The following DOCK3 variants were observed in gnomAD, a reference collection of about 807,000 sequenced individuals.
DOCK3 encodes dedicator of cytokinesis protein 3.
In DOCK3, 60 loss-of-function variants were observed where a neutral mutation model predicts 265.6. The observed-to-expected ratio is 0.23, with a 90% CI of 0.18 to 0.28. The LOEUF (loss-of-function observed/expected upper bound fraction) is 0.28, where lower values mean the gene tolerates loss of function less well. DOCK3 is among the 10% of genes least tolerant of loss of function. The pLI is 1.00. For synonymous variants in DOCK3, 881 were observed against 938.0 expected (o/e 0.94, Z 1.11); for missense variants, 1,981 against 2,594.3 (o/e 0.76, Z 5.14).
chr3:51,141,733 C>G (rs896449045), intron 9 of DOCK3, among the ~76,000 whole-genome samples: 4 of 152,222 alleles, frequency 2.6e-5, no homozygotes, highest in African/African-American at 9.6e-5. Flanking sequence ...GGAAGTAGAG[C>G]TGGGAAGCTG....
chr3:50,955,041 G>T lies in DOCK3; in HGVS notation c.315+20964G>T, dbSNP rs114299831. On this transcript the variant is annotated intron_variant, in intron 5 of 52. Transcript: ENST00000266037. ...GGTCCAGTTTCAATCTTCCATGTAT[G>T]GCTAGCCAGTTATTTCAGCACCACT... is the stretch of plus-strand genomic sequence containing the variant. Among the ~76,000 whole-genome samples, 840 of 152,138 alleles carry T rather than the reference G, an allele frequency of 5.5e-3. 7 individuals carry two copies. Among genetic ancestry groups the T allele is most frequent in the South Asian group, 0.035 (171 of 4,818 alleles).
chr3:50,724,414 C>T (rs536197205), intron 1 of DOCK3, among the ~76,000 whole-genome samples: 15 of 152,260 alleles, frequency 9.9e-5, no homozygotes, highest in Non-Finnish European at 1.8e-4. Flanking sequence ...CAGCACTTTT[C>T]GCAATAGCAA....
intron 9 of DOCK3, among the ~76,000 whole-genome samples, chr3:51,112,284 A>AT (rs1279349882): frequency 1.3e-5 from 2 of 151,952 alleles, no homozygotes; most frequent in African/African-American, 4.8e-5. Flanking sequence ...GCACTAATAA[A>AT]TTTTTTGGAA....
At chr3:51,118,332 AT>A (rs1284403033) in intron 9 of DOCK3, among the ~76,000 whole-genome samples, 4 of 152,162 alleles carry the variant, frequency 2.6e-5, no homozygotes, top group African/African-American at 9.7e-5. Context: ...ACTGTTTGGC[AT>A]GATTTCCATT....
chr3:50,927,796 A>G (rs2050841370), intron 4 of DOCK3, among the ~76,000 whole-genome samples: 1 of 152,184 alleles, frequency 6.6e-6, no homozygotes, highest in South Asian at 2.1e-4. Context: ...ACCTAATGGA[A>G]GACAGTGTGT....
At chr3:50,803,561 A>G (rs1206494731) in intron 2 of DOCK3, among the ~76,000 whole-genome samples, 2 of 152,126 alleles carry the variant, frequency 1.3e-5, no homozygotes. Flanking sequence ...CATCGTCATC[A>G]TGGCCTGTTC....
chr3:50,723,333 T>C (rs1049834019), intron 1 of DOCK3, among the ~76,000 whole-genome samples: 1 of 152,148 alleles, frequency 6.6e-6, no homozygotes, highest in African/African-American at 2.4e-5. Flanking sequence ...GTTAGAGTCC[T>C]GAAAGAAGAG....
chr3:50,817,461 A>AT lies in DOCK3; in HGVS notation c.122-24214_122-24213insT, dbSNP rs879744915. On this transcript the variant is annotated intron_variant, in intron 2 of 52. Coordinates refer to ENST00000266037, the MANE Select transcript of DOCK3 (RefSeq NM_004947.5). ...ATTGAGCCACCATGCCAACTAATTA[A>AT]ATTTTTTTTTTTTTTATAGAGACAG... Among the ~76,000 whole-genome samples the AT allele has an allele frequency of 4.5e-3, 648 of 142,594 alleles. 5 individuals carry two copies. Among genetic ancestry groups the AT allele is most frequent in the Admixed American group, 7.1e-3 (103 of 14,542 alleles). The allele number at this position is 142,594 out of a possible 152,430, so 93.5% of individuals were successfully genotyped here. A position where few individuals can be genotyped will look rare whatever the true frequency, so the allele number is the denominator to read the frequency against.
At chr3:50,990,967 A>G (rs547593052) in intron 5 of DOCK3, among the ~76,000 whole-genome samples, 10 of 152,258 alleles carry the variant, frequency 6.6e-5, no homozygotes, top group Non-Finnish European at 1.3e-4. Context: ...CTTCAATCCA[A>G]TCAAGTTCAC....
intron 26 of DOCK3, among the ~76,000 whole-genome samples, chr3:51,279,056 C>T (rs2080973808): frequency 6.6e-6 from 1 of 152,080 alleles, no homozygotes. Context: ...CGAGACTAGC[C>T]TGGCCAGCAT....
At chr3:50,733,270 G>A (rs186992592) in intron 1 of DOCK3, among the ~76,000 whole-genome samples, 26 of 152,198 alleles carry the variant, frequency 1.7e-4, no homozygotes, top group African/African-American at 5.8e-4. Flanking sequence ...CAAGTCCACC[G>A]TTCTCTTACT....
chr3:51,380,284 T>C, intron 52 of DOCK3, 77 bp downstream of exon 52: 1 of 1,375,926 alleles, frequency 7.3e-7, no homozygotes, highest in Non-Finnish European at 9.9e-7. Flanking sequence ...CCTTGGGGTC[T>C]ACAGGAGGAA....
At chr3:51,278,593 C>G (rs1472752882) in intron 26 of DOCK3, 1 of 952,208 alleles carries the variant, frequency 1.1e-6, no homozygotes, top group African/African-American at 1.9e-5. Flanking sequence ...CTGTTGAAGG[C>G]ACTCTCACTG....
chr3:50,981,831 T>C (rs1182747378), intron 5 of DOCK3, among the ~76,000 whole-genome samples: 1 of 150,004 alleles, frequency 6.7e-6, no homozygotes, highest in Middle Eastern at 3.2e-3. Flanking sequence ...TTTCAATCTA[T>C]GTTTTGTTTT....
chr3:51,144,325 A>G (rs530376361), intron 9 of DOCK3, among the ~76,000 whole-genome samples: 3 of 152,268 alleles, frequency 2.0e-5, no homozygotes, highest in Admixed American at 6.5e-5. Flanking sequence ...TCATTAAAAC[A>G]GTTCTTGCCA....
rs555424550 is a variant in DOCK3, at chr3:51,017,446, C to T, written c.316-47002C>T. ...GCTTTTCCAGTTCTTTAAGATGTAT[C>T]ATTGGGTTGTTTATTTAAAGCTTTT... On this transcript the variant is annotated intron_variant, in intron 5 of 52. Transcript: ENST00000266037. 7.5e-4 allele frequency among the ~76,000 whole-genome samples: 113 copies of T among 151,404 alleles called. 2 individuals carry two copies. The highest frequency in any genetic ancestry group is 2.7e-3 in the African/African-American group (111 of 41,024).
chr3:51,066,319 A>G (rs547013565), intron 6 of DOCK3, among the ~76,000 whole-genome samples: 1 of 152,124 alleles, frequency 6.6e-6, no homozygotes, highest in South Asian at 2.1e-4. Flanking sequence ...GGAAAAACAA[A>G]ACAAACAAAC....
intron 2 of DOCK3, among the ~76,000 whole-genome samples, chr3:50,825,994 A>G: frequency 6.6e-6 from 1 of 151,828 alleles, no homozygotes; most frequent in Non-Finnish European, 1.5e-5. Context: ...ACTGCTCTGC[A>G]AGTAGTTGAT....
At chr3:50,889,775 A>G (rs2048555994) in intron 3 of DOCK3, among the ~76,000 whole-genome samples, 1 of 152,078 alleles carries the variant, frequency 6.6e-6, no homozygotes, top group Non-Finnish European at 1.5e-5. Context: ...TTTTAAAATT[A>G]AAATTTAAAG....
Sources: allele counts gnomAD v4.1 joint callset (sites outside exome capture counted in the v4.1 genomes callset), GRCh38; gene constraint gnomAD v4.1.1; transcripts MANE v1.5; gene names NCBI Gene and HGNC (gene_info 2026-07-23, HGNC 2026-07-21).